The following KLHDC4 variants were observed in gnomAD, a reference collection of about 807,000 sequenced individuals.
KLHDC4 encodes kelch domain-containing protein 4.
In KLHDC4, 90 loss-of-function variants were observed where a neutral mutation model predicts 62.4. The ratio of observed to expected loss-of-function variants is 1.44; its 90% confidence interval spans 1.22 to 1.72. The LOEUF (loss-of-function observed/expected upper bound fraction) is 1.72, where lower values mean the gene tolerates loss of function less well. KLHDC4 is among the 40% of genes most tolerant of loss of function. The pLI is 0.00. For missense variants in KLHDC4, 1,025 were observed against 699.7 expected (o/e 1.47, Z -5.25); for synonymous variants, 386 against 284.4 (o/e 1.36, Z -3.59).
At chr16:87,737,106 CAAAAAAAAAAAAAA>C (rs55787836) in intron 5 of KLHDC4, among the ~76,000 whole-genome samples, 1 of 64,824 alleles carries the variant, frequency 1.5e-5, no homozygotes, top group African/African-American at 5.4e-5. Flanking sequence ...GCCTGGGCGA[CAAAAAAAAAAAAAA>C]AAAAAAAAAG....
chr16:87,703,239 G>T (rs1306050233), downstream of KLHDC4: 2 of 152,100 alleles, frequency 1.3e-5, no homozygotes, highest in South Asian at 2.1e-4. Flanking sequence ...GTCAGCGCGC[G>T]TGCAGGAATC....
chr16:87,742,451 T>C (rs1427899929), intron 5 of KLHDC4, among the ~76,000 whole-genome samples: 1 of 152,224 alleles, frequency 6.6e-6, no homozygotes, highest in Non-Finnish European at 1.5e-5. Context: ...CTTACTTCTT[T>C]TAAGCAGCAA....
intron 1 of KLHDC4, among the ~76,000 whole-genome samples, chr16:87,762,517 C>G (rs1291750382): frequency 6.6e-6 from 1 of 152,254 alleles, no homozygotes; most frequent in Non-Finnish European, 1.5e-5. Context: ...GCCTTCCTGT[C>G]TGCTGAGCAG....
At position 87,723,614 on chromosome 16, in the gene KLHDC4, G is replaced by A. The variant is rs368288052; in HGVS notation, c.759+3151C>T. On this transcript the variant is annotated intron_variant, in intron 7 of 11. Coordinates refer to ENST00000270583, the MANE Select transcript of KLHDC4 (RefSeq NM_017566.4). ...TGCCAGCCACTACTCCAGAAAATAG[G>A]GTGATTTTCTCTGTGCAGAACAAAA... Among the ~76,000 whole-genome samples, 79 of 152,360 alleles carry A rather than the reference G, an allele frequency of 5.2e-4. No individual in the cohort carries two copies. The East Asian group carries it at 7.7e-3, about 15-fold the overall frequency.
chr16:87,730,405 C>A, intron 6 of KLHDC4, 147 bp downstream of exon 6: 1 of 639,292 alleles, frequency 1.6e-6, no homozygotes, highest in Non-Finnish European at 2.7e-6. Context: ...CTTTGGAGGG[C>A]AAGGCCCTGT....
intron 4 of KLHDC4, among the ~76,000 whole-genome samples, chr16:87,753,566 G>A (rs1475375731): frequency 6.6e-6 from 1 of 150,986 alleles, no homozygotes; most frequent in Non-Finnish European, 1.5e-5. Context: ...TTGGGAGGCC[G>A]AGGTGGGTGG....
At chr16:87,724,078 T>C (rs1318956797) in intron 7 of KLHDC4, among the ~76,000 whole-genome samples, 2 of 152,172 alleles carry the variant, frequency 1.3e-5, no homozygotes, top group Non-Finnish European at 2.9e-5. Context: ...CCTCGAGTGA[T>C]CCGCCCGACT....
intron 4 of KLHDC4, among the ~76,000 whole-genome samples, chr16:87,749,882 G>A (rs892605577): frequency 2.6e-5 from 4 of 152,130 alleles, no homozygotes; most frequent in Admixed American, 6.5e-5. Context: ...CCAGCCTTAC[G>A]TGACATTATG....
At chr16:87,705,389 G>A (rs938313526), downstream of KLHDC4, among the ~76,000 whole-genome samples, 1 of 152,376 alleles carries the variant, frequency 6.6e-6, no homozygotes, top group African/African-American at 2.4e-5. Flanking sequence ...CACACTGAAG[G>A]GGCCCTGTTT....
rs1452511498 is a variant in KLHDC4, at chr16:87,755,287, A to AG, written c.275_276insC (p.Leu93PhefsTer3). On this transcript the variant is annotated frameshift_variant, in exon 4 of 12. Transcript: ENST00000270583. LOFTEE classifies it high-confidence loss of function. ...TGTAGACATAGAGCTCGTTATACAA[A>AG]AAAGTCTACAGGAAGGAAGAAGAAT... 2 of 1,574,478 alleles carry AG rather than the reference A, an allele frequency of 1.3e-6. No individual in the cohort carries two copies. Among genetic ancestry groups the AG allele is most frequent in the Non-Finnish European group, 1.7e-6 (2 of 1,144,692 alleles).
At chr16:87,740,550 C>T (rs927038486) in intron 5 of KLHDC4, 1 of 152,262 alleles carries the variant, frequency 6.6e-6, no homozygotes, top group Non-Finnish European at 1.5e-5. Flanking sequence ...TGCCTGCACC[C>T]CCAGCTGTGA....
At chr16:87,698,535 G>T (rs2033998628) in exon 1 of KLHDC4, 1 of 152,262 alleles carries the variant, frequency 6.6e-6, no homozygotes, top group South Asian at 2.1e-4. Context: ...GTTGTGCAGA[G>T]ATCTAGGCCT....
chr16:87,708,537 G>A (rs2035107570), intron 10 of KLHDC4, 71 bp from the exon 11 acceptor site: 3 of 1,140,584 alleles, frequency 2.6e-6, no homozygotes, highest in South Asian at 3.3e-5. Context: ...GCGGGACGGT[G>A]GTGGCTACGT....
At chr16:87,745,074 T>G (rs1415329775) in intron 5 of KLHDC4, among the ~76,000 whole-genome samples, 1 of 152,254 alleles carries the variant, frequency 6.6e-6, no homozygotes, top group Non-Finnish European at 1.5e-5. Context: ...TTGTACGAAA[T>G]AAGAGGAAGC....
At chr16:87,725,590 G>GGGA (rs2039220278) in intron 7 of KLHDC4, among the ~76,000 whole-genome samples, 1 of 152,202 alleles carries the variant, frequency 6.6e-6, no homozygotes, top group Non-Finnish European at 1.5e-5. Flanking sequence ...AACCCCTACA[G>GGGA]TGAGATACTA....
chr16:87,752,010 A>G (rs544363647), intron 4 of KLHDC4, among the ~76,000 whole-genome samples: 1 of 140,062 alleles, frequency 7.1e-6, no homozygotes, highest in African/African-American at 2.7e-5. Context: ...GGGAGGCATG[A>G]ACCCGGGAGG....
In KLHDC4 at chr16:87,761,953, G is replaced by A; in HGVS notation, c.187C>T (p.Pro63Ser). 1 of 1,613,464 alleles carries A rather than the reference G, an allele frequency of 6.2e-7. No homozygotes were observed. The highest frequency in any genetic ancestry group is 8.5e-7 in the Non-Finnish European group (1 of 1,179,764). ...TVELPCPPPSPRLNASLSVHP... is the reference protein window; with the variant it reads ...TVELPCPPPSSRLNASLSVHP... ...TGAAAAATGCTACTTGCTCACCTTG[G>A]TGAGGGTGGGGGGCACGGAAGTTCC... is the stretch of plus-strand genomic sequence containing the variant. Residue 63 changes from proline to serine, a missense_variant, in exon 2 of 12, where the codon CCA becomes TCA. Coordinates refer to ENST00000270583, the MANE Select transcript of KLHDC4 (RefSeq NM_017566.4).
At chr16:87,707,207 C>T (rs564748620), downstream of KLHDC4, among the ~76,000 whole-genome samples, 1 of 152,370 alleles carries the variant, frequency 6.6e-6, no homozygotes, top group South Asian at 2.1e-4. Flanking sequence ...TAGCGCACCA[C>T]AGCCTTCGGG....
Position 87,707,979 on chromosome 16 carries a change from C to G in KLHDC4, c.*98G>C. On this transcript the variant is annotated 3_prime_UTR_variant, in exon 12 of 12. Transcript: ENST00000270583. Reference sequence around the variant, plus strand: ...CCACCTTCAGCTCTCTCCTGTGCGTCAGGACGCACGCTGGCCCCAAGAGCT... The same window carrying G: ...CCACCTTCAGCTCTCTCCTGTGCGTGAGGACGCACGCTGGCCCCAAGAGCT... The G allele has an allele frequency of 2.1e-6, 1 of 475,700 alleles. No individual in the cohort carries two copies. Among genetic ancestry groups the G allele is most frequent in the South Asian group, 1.5e-5 (1 of 64,732 alleles). 29.5% of individuals were successfully genotyped at this position (475,700 alleles called of 1,614,324 possible).
Sources: allele counts gnomAD v4.1 joint callset (sites outside exome capture counted in the v4.1 genomes callset), GRCh38; gene constraint gnomAD v4.1.1; transcripts MANE v1.5; gene names NCBI Gene and HGNC (gene_info 2026-07-23, HGNC 2026-07-21).